Variants in CSF2RB observed in about 807,000 individuals in gnomAD.
CSF2RB encodes colony stimulating factor 2 receptor subunit beta, also known as cytokine receptor common subunit beta.
A neutral mutation model predicts 67.2 loss-of-function variants in CSF2RB; 22 were observed. That is an observed-to-expected ratio of 0.33 (90% CI 0.23 to 0.47). The LOEUF (loss-of-function observed/expected upper bound fraction) is 0.47. Ranked by LOEUF, CSF2RB falls within the 20% of genes least tolerant of loss-of-function variation. CSF2RB has a pLI of 1.00. For synonymous variants in CSF2RB, 507 were observed against 482.9 expected, an observed-to-expected ratio of 1.05 and a Z score of -0.65; for missense variants, 1,113 against 1,174.5, an observed-to-expected ratio of 0.95 and a Z score of 0.76.
chr22:36,932,476 AC>A (rs2145812380), intron 8 of CSF2RB, among the ~76,000 whole-genome samples: 1 of 151,910 alleles, frequency 6.6e-6, no homozygotes, highest in Admixed American at 6.5e-5. Context: ...CTAGAATAGA[AC>A]CAACTAACAG....
Position 36,938,747 on chromosome 22 carries a change from G to C in CSF2RB, c.*245G>C. ...TTTTTCCTGTCAGGTTAACTTATTT[G>C]TAGGTTCTGCATTATTAGAACTTTC... On this transcript the variant is annotated 3_prime_UTR_variant, in exon 14 of 14. Coordinates refer to ENST00000403662, the MANE Select transcript of CSF2RB (RefSeq NM_000395.3). 2 of 565,224 alleles carry C rather than the reference G, an allele frequency of 3.5e-6. No homozygotes were observed. The highest frequency in any genetic ancestry group is 5.1e-5 in the South Asian group (2 of 39,294). 35.0% of individuals were successfully genotyped at this position (565,224 alleles called of 1,614,324 possible).
At position 36,934,726 on chromosome 22, in the gene CSF2RB, G is replaced by A. The variant is rs541681000; in HGVS notation, c.1316-625G>A. 2.6e-4 allele frequency among the ~76,000 whole-genome samples: 39 copies of A among 152,344 alleles called. 1 individual carries two copies. The highest frequency in any genetic ancestry group is 4.6e-4 in the Admixed American group (7 of 15,304). On this transcript the variant is annotated intron_variant, in intron 10 of 13. Coordinates refer to ENST00000403662, the MANE Select transcript of CSF2RB (RefSeq NM_000395.3). ...GCAGAACAAGACAAGTCCAAGGGGT[G>A]GTTTCAGAGAGAGTAAGGATACAGG...
At chr22:36,932,988 C>G in intron 9 of CSF2RB, 84 bp downstream of exon 9, 1 of 1,557,242 alleles carries the variant, frequency 6.4e-7, no homozygotes, top group Non-Finnish European at 8.7e-7. Context: ...ACCTGCAAGG[C>G]GTCGGGCCCT....
intron 2 of CSF2RB, among the ~76,000 whole-genome samples, 188 bp from the exon 3 acceptor site, chr22:36,923,056 G>T (rs1424219727): frequency 4.6e-5 from 7 of 152,296 alleles, no homozygotes. Context: ...TGCCAGGAGA[G>T]GAGGGTCCGC....
intron 9 of CSF2RB, among the ~76,000 whole-genome samples, chr22:36,933,248 C>T (rs1462898110): frequency 2.0e-5 from 3 of 152,236 alleles, no homozygotes; most frequent in African/African-American, 7.2e-5. Flanking sequence ...TCAGAGGAAT[C>T]TCATCTGGAC....
chr22:36,921,972 G>A (rs10222238), intron 1 of CSF2RB, 64 bp from the exon 2 acceptor site: 11 of 591,416 alleles, frequency 1.9e-5, no homozygotes, highest in African/African-American at 5.6e-5. Flanking sequence ...CCCACAACAC[G>A]GGCGGTGTCC....
In CSF2RB at chr22:36,937,611, C is replaced by T. The variant is rs1941296952; in HGVS notation, c.1803C>T (p.Ser601=). The change falls in exon 14 of 14, where the codon TCC becomes TCT. Residue 601 remains serine, a synonymous_variant. Coordinates refer to ENST00000403662, the MANE Select transcript of CSF2RB (RefSeq NM_000395.3). The surrounding 1 kb of genome is among the most constrained non-coding windows in gnomAD (Gnocchi z 4.6). ...ACCTGGGGCCGCCCCACAGCCGCTC[C>T]CTACCTGACATCCTGGGCCAGCCGG... The part of the protein sequence containing the change: ...GPYLGPPHSR[S]LPDILGQPEP... 11 of 1,577,502 alleles carry T rather than the reference C, an allele frequency of 7.0e-6. No individual in the cohort carries two copies. The highest frequency in any genetic ancestry group is 9.5e-6 in the Non-Finnish European group (11 of 1,161,408).
At chr22:36,914,206 G>A (rs1940660994) in intron 1 of CSF2RB, among the ~76,000 whole-genome samples, 1 of 152,150 alleles carries the variant, frequency 6.6e-6, no homozygotes, top group Admixed American at 6.5e-5. Context: ...GCCTGTGTGT[G>A]TATGTGCATG....
At chr22:36,924,115 C>A (rs930834810) in intron 3 of CSF2RB, among the ~76,000 whole-genome samples, 2 of 151,958 alleles carry the variant, frequency 1.3e-5, no homozygotes, top group African/African-American at 2.4e-5. Flanking sequence ...CTGCCACCCC[C>A]ACCCCTCCAC....
rs761774290 is a variant in CSF2RB, at chr22:36,937,342, T to A, written c.1569-35T>A. 1 of 1,609,002 alleles carries A rather than the reference T, an allele frequency of 6.2e-7. No homozygotes were observed. Among genetic ancestry groups the A allele is most frequent in the Non-Finnish European group, 8.5e-7 (1 of 1,179,714 alleles). ...CCTGACCCGGATCATCTGCCCAGGG[T>A]GGTCCCAACTCTTCTGCCCATTTTC... On this transcript the variant is annotated intron_variant, in intron 13 of 13. Transcript: ENST00000403662. The surrounding 1 kb of genome is among the most constrained non-coding windows in gnomAD (Gnocchi z 4.6).
intron 8 of CSF2RB, among the ~76,000 whole-genome samples, 172 bp from the exon 9 acceptor site, chr22:36,932,593 C>T (rs1941170856): frequency 2.6e-5 from 4 of 152,158 alleles, no homozygotes; most frequent in Admixed American, 2.0e-4. Flanking sequence ...CACGAGAATA[C>T]CACTCAGGTC....
At position 36,938,884 on chromosome 22, in the gene CSF2RB, G is replaced by A. The variant is rs1941331900; in HGVS notation, c.*382G>A. ...TATTATGAGAGTGGGGCTGAGGTCT[G>A]AGCTGAGCCTTATCAGACTGAGATG... On this transcript the variant is annotated 3_prime_UTR_variant, in exon 14 of 14. Transcript: ENST00000403662. 3.5e-6 allele frequency: 2 copies of A among 577,658 alleles called. No individual in the cohort carries two copies. The highest frequency in any genetic ancestry group is 3.7e-5 in the African/African-American group (2 of 53,634). 35.8% of individuals were successfully genotyped at this position (577,658 alleles called of 1,614,324 possible). A position where few individuals can be genotyped will look rare whatever the true frequency, so the allele number is the denominator to read the frequency against.
chr22:36,927,582 C>T (rs1033662608), intron 4 of CSF2RB, among the ~76,000 whole-genome samples: 1 of 152,174 alleles, frequency 6.6e-6, no homozygotes, highest in Non-Finnish European at 1.5e-5. Context: ...GCATCAGCTT[C>T]AAGGGCTGGA....
Position 36,939,116 on chromosome 22 carries a change from G to T in CSF2RB, c.*614G>T. On this transcript the variant is annotated 3_prime_UTR_variant, in exon 14 of 14. Coordinates refer to ENST00000403662, the MANE Select transcript of CSF2RB (RefSeq NM_000395.3). ...CCTCGATTGTCACTCCGAGAAATGG[G>T]CATGGTATTGGGGGTCGGGGGGGCG... The T allele has an allele frequency of 2.8e-6, 2 of 702,226 alleles. No homozygotes were observed. Among genetic ancestry groups the T allele is most frequent in the Non-Finnish European group, 5.2e-6 (2 of 384,720 alleles). 43.5% of individuals were successfully genotyped at this position (702,226 alleles called of 1,614,324 possible). A position where few individuals can be genotyped will look rare whatever the true frequency, so the allele number is the denominator to read the frequency against.
At position 36,937,276 on chromosome 22, in the gene CSF2RB, G is replaced by A; in HGVS notation, c.1569-101G>A. The A allele has an allele frequency of 7.0e-7, 1 of 1,436,154 alleles. No individual in the cohort carries two copies. Among genetic ancestry groups the A allele is most frequent in the Admixed American group, 1.7e-5 (1 of 57,638 alleles). The allele number at this position is 1,436,154 out of a possible 1,614,324, so 89.0% of individuals were successfully genotyped here. Reference sequence around the variant, plus strand: ...CTCTGTGAGATCTGGGGGACATCAGGGCTTCCAGAGAACCATCTCCACCCC... The same window carrying A: ...CTCTGTGAGATCTGGGGGACATCAGAGCTTCCAGAGAACCATCTCCACCCC... On this transcript the variant is annotated intron_variant, in intron 13 of 13. Coordinates refer to ENST00000403662, the MANE Select transcript of CSF2RB (RefSeq NM_000395.3). The surrounding 1 kb of genome is among the most constrained non-coding windows in gnomAD (Gnocchi z 4.6).
intron 3 of CSF2RB, chr22:36,923,797 G>A: frequency 7.7e-7 from 1 of 1,290,418 alleles, no homozygotes; most frequent in Non-Finnish European, 1.0e-6. Context: ...GTTCACAGAT[G>A]GGAAAACTGA....
chr22:36,917,930 AAAAAT>A (rs1208970283), intron 1 of CSF2RB, among the ~76,000 whole-genome samples: 1 of 152,116 alleles, frequency 6.6e-6, no homozygotes, highest in Non-Finnish European at 1.5e-5. Flanking sequence ...CTCAAAAAAA[AAAAAT>A]AGTATTTTTT....
chr22:36,919,397 GA>G (rs532900226), intron 1 of CSF2RB, among the ~76,000 whole-genome samples: 20 of 151,900 alleles, frequency 1.3e-4, no homozygotes, highest in Non-Finnish European at 2.4e-4. Flanking sequence ...GCCCACTATT[GA>G]TTGTTGTTGT....
At chr22:36,917,486 G>A (rs149539038) in intron 1 of CSF2RB, among the ~76,000 whole-genome samples, 3 of 152,252 alleles carry the variant, frequency 2.0e-5, no homozygotes, top group African/African-American at 7.2e-5. Flanking sequence ...GTAAGAAGGT[G>A]TTTGGTTTTT....
Sources: allele counts gnomAD v4.1 joint callset (sites outside exome capture counted in the v4.1 genomes callset), GRCh38; gene constraint gnomAD v4.1.1; non-coding constraint Gnocchi (gnomAD v3.1); transcripts MANE v1.5; gene names NCBI Gene and HGNC (gene_info 2026-07-23, HGNC 2026-07-21).